The following BMPR1B variants were observed in gnomAD, a reference collection of about 807,000 sequenced individuals.
BMPR1B encodes bone morphogenetic protein receptor type-1B.
Under a neutral mutation model 59.1 loss-of-function variants are expected in BMPR1B, and 12 were observed. The ratio of observed to expected loss-of-function variants is 0.20; its 90% CI spans 0.13 to 0.33. The LOEUF (loss-of-function observed/expected upper bound fraction) is 0.33, where lower values mean the gene tolerates loss of function less well. Ranked by LOEUF, BMPR1B falls within the 10% of genes least tolerant of loss-of-function variation. The probability of loss-of-function intolerance (pLI) is 1.00; values close to 1 mark genes in which losing one functional copy is unlikely to be tolerated. For synonymous variants in BMPR1B, 237 were observed against 207.3 expected, an observed-to-expected ratio of 1.14 and a Z score of -1.23; for missense variants, 550 against 610.9, an observed-to-expected ratio of 0.90 and a Z score of 1.05.
At chr4:94,980,690 A>G (rs1231767020) in intron 2 of BMPR1B, among the ~76,000 whole-genome samples, 1 of 152,194 alleles carries the variant, frequency 6.6e-6, no homozygotes, top group Non-Finnish European at 1.5e-5. Flanking sequence ...CTGCTGAGAT[A>G]GGTTCTGGCC....
At chr4:94,995,308 A>G (rs1436751924) in intron 2 of BMPR1B, among the ~76,000 whole-genome samples, 1 of 152,172 alleles carries the variant, frequency 6.6e-6, no homozygotes, top group Admixed American at 6.5e-5. Flanking sequence ...AGCATCTTTC[A>G]CTAAATATAT....
chr4:94,814,163 T>A (rs1466277842), intron 1 of BMPR1B, among the ~76,000 whole-genome samples: 1 of 152,210 alleles, frequency 6.6e-6, no homozygotes, highest in African/African-American at 2.4e-5. Context: ...TTATAACACT[T>A]TAGCATGAAA....
chr4:95,101,903 C>G (rs1285292919), intron 3 of BMPR1B, among the ~76,000 whole-genome samples: 1 of 152,082 alleles, frequency 6.6e-6, no homozygotes, highest in East Asian at 1.9e-4. Context: ...TGTCTCCTCC[C>G]TTGATCTCAT....
intron 1 of BMPR1B, among the ~76,000 whole-genome samples, chr4:94,794,075 A>G (rs1253579123): frequency 2.7e-5 from 4 of 150,748 alleles, no homozygotes. Flanking sequence ...TTGGTGTTTT[A>G]GACATGAAGT....
intron 2 of BMPR1B, among the ~76,000 whole-genome samples, chr4:94,943,923 T>A (rs13103598): frequency 0.25 from 37,614 of 152,076 alleles, 4,683 homozygotes; most frequent in South Asian, 0.36. Context: ...ATATAGGTTG[T>A]GAATCTCTTA....
chr4:95,056,093 A>G (rs1726908521), intron 3 of BMPR1B, among the ~76,000 whole-genome samples: 1 of 152,180 alleles, frequency 6.6e-6, no homozygotes, highest in African/African-American at 2.4e-5. Context: ...GAAAATATTG[A>G]CAACTAATTA....
At chr4:94,836,648 C>G (rs1308111033) in intron 1 of BMPR1B, among the ~76,000 whole-genome samples, 1 of 146,074 alleles carries the variant, frequency 6.8e-6, no homozygotes, top group Non-Finnish European at 1.5e-5. Context: ...ATTGTAGATT[C>G]TGGATATTAG....
intron 1 of BMPR1B, among the ~76,000 whole-genome samples, chr4:94,782,655 CTT>C (rs898192908): frequency 6.6e-6 from 1 of 152,132 alleles, no homozygotes; most frequent in Non-Finnish European, 1.5e-5. Context: ...ATTTTTATCT[CTT>C]TATTGATATT....
chr4:94,842,932 T>TATGC, intron 1 of BMPR1B, among the ~76,000 whole-genome samples: 1 of 152,194 alleles, frequency 6.6e-6, no homozygotes, highest in East Asian at 1.9e-4. Context: ...TGTATGTATG[T>TATGC]ATGCATGTTT....
intron 2 of BMPR1B, among the ~76,000 whole-genome samples, chr4:94,968,264 C>T (rs1392198863): frequency 6.6e-6 from 1 of 152,130 alleles, no homozygotes; most frequent in East Asian, 1.9e-4. Flanking sequence ...TCCTGTCTTC[C>T]TCACTCTTTA....
chr4:94,864,302 G>T (rs1466502304), intron 1 of BMPR1B, among the ~76,000 whole-genome samples: 1 of 152,146 alleles, frequency 6.6e-6, no homozygotes, highest in African/African-American at 2.4e-5. Flanking sequence ...TTCATGGTGG[G>T]TGGGAGATAA....
intron 3 of BMPR1B, among the ~76,000 whole-genome samples, chr4:95,022,915 T>C (rs1724096645): frequency 6.6e-6 from 1 of 152,202 alleles, no homozygotes. Flanking sequence ...GACTGTGCTG[T>C]GGATCACCAA....
At chr4:94,948,836 G>T (rs1244656462) in intron 2 of BMPR1B, among the ~76,000 whole-genome samples, 1 of 152,318 alleles carries the variant, frequency 6.6e-6, no homozygotes, top group Admixed American at 6.5e-5. Context: ...TATAGATAGA[G>T]AGATGAGTCT....
intron 3 of BMPR1B, among the ~76,000 whole-genome samples, chr4:95,045,509 A>G (rs1421247970): frequency 1.3e-5 from 2 of 152,122 alleles, no homozygotes; most frequent in Non-Finnish European, 2.9e-5. Context: ...GTTCTCTGCA[A>G]GCACTACTTT....
In BMPR1B at chr4:95,152,869, T is replaced by G. The variant is rs1171044199; in HGVS notation, c.1383+96T>G. 2.7e-6 allele frequency: 4 copies of G among 1,485,880 alleles called. No individual in the cohort carries two copies. In the African/African-American group the frequency reaches 5.6e-5, roughly 21 times the overall value. The allele number at this position is 1,485,880 out of a possible 1,614,324, so 92.0% of individuals were successfully genotyped here. ...ACATATTGATTGTAGGAATTCTTCT[T>G]TTTTTGATGGTGATGGTGATGGCGC... On this transcript the variant is annotated intron_variant, in intron 12 of 12. Transcript: ENST00000515059.
At chr4:94,927,782 G>A (rs1728945770) in intron 2 of BMPR1B, among the ~76,000 whole-genome samples, 1 of 152,090 alleles carries the variant, frequency 6.6e-6, no homozygotes, top group Non-Finnish European at 1.5e-5. Flanking sequence ...GAGAGCAGTT[G>A]GGACTCTGCT....
chr4:94,769,099 C>CT (rs1276861215), intron 1 of BMPR1B, among the ~76,000 whole-genome samples: 2 of 152,216 alleles, frequency 1.3e-5, no homozygotes, highest in Non-Finnish European at 2.9e-5. Flanking sequence ...CTGACTTACT[C>CT]TAATTCCTTT....
chr4:94,780,457 ATAT>A (rs1722545269), intron 1 of BMPR1B, among the ~76,000 whole-genome samples: 3 of 152,080 alleles, frequency 2.0e-5, no homozygotes, highest in Admixed American at 2.0e-4. Flanking sequence ...TTTTTGGTTA[ATAT>A]TAATAATATT....
chr4:95,119,116 T>C (rs1036921561), intron 6 of BMPR1B, among the ~76,000 whole-genome samples: 2 of 152,226 alleles, frequency 1.3e-5, no homozygotes, highest in Non-Finnish European at 2.9e-5. Context: ...AAAAGTATTA[T>C]GTGTTCATAT....
Sources: gnomAD v4.1 joint callset for allele counts (sites outside exome capture counted in the v4.1 genomes callset) on GRCh38, gnomAD v4.1.1 for gene constraint, MANE v1.5 for transcripts, NCBI Gene and HGNC (gene_info 2026-07-23, HGNC 2026-07-21) for gene names.